Variants in TENM3 observed in about 807,000 individuals in gnomAD.
TENM3 encodes teneurin-3.
In TENM3, 63 loss-of-function variants were observed where a neutral mutation model predicts 255.1. The ratio of observed to expected loss-of-function variants is 0.25; its 90% CI spans 0.20 to 0.30. TENM3 has a LOEUF of 0.30. Ranked by LOEUF, TENM3 falls within the 10% of genes least tolerant of loss-of-function variation. The pLI, the probability that TENM3 is intolerant of heterozygous loss-of-function variation, is 1.00. For synonymous variants in TENM3, 1,306 were observed against 1,322.3 expected (o/e 0.99, Z 0.27); for missense variants, 2,929 against 3,461.1 (o/e 0.85, Z 3.86).
At chr4:182,531,779 C>T (rs1363107767) in intron 3 of TENM3, among the ~76,000 whole-genome samples, 6 of 152,140 alleles carry the variant, frequency 3.9e-5, no homozygotes, top group African/African-American at 1.4e-4. Context: ...TGGGACTGGT[C>T]ATGGAGGCAC....
chr4:181,783,753 GCA>G, the TENM3 span, among the ~76,000 whole-genome samples: 2 of 152,174 alleles, frequency 1.3e-5, no homozygotes, highest in African/African-American at 2.4e-5. Flanking sequence ...GAGTGCAGTG[GCA>G]CAGTCATAGC....
the TENM3 span, among the ~76,000 whole-genome samples, chr4:181,457,265 T>C: frequency 1.3e-5 from 2 of 151,878 alleles, no homozygotes; most frequent in African/African-American, 2.4e-5. Flanking sequence ...AAATGGACTC[T>C]GTAGGCACTG....
the TENM3 span, among the ~76,000 whole-genome samples, chr4:182,054,814 TA>T: frequency 3.3e-5 from 5 of 151,998 alleles, no homozygotes; most frequent in African/African-American, 9.7e-5. Context: ...ATTTTTTAAT[TA>T]AAAAAAAGAA....
chr4:182,191,291 C>G (rs1314806819), intron 1 of TENM3, among the ~76,000 whole-genome samples: 1 of 152,178 alleles, frequency 6.6e-6, no homozygotes, highest in South Asian at 2.1e-4. Flanking sequence ...CTACTGCCAA[C>G]TCATCCTTTG....
At chr4:181,917,685 A>G in the TENM3 span, among the ~76,000 whole-genome samples, 1 of 137,802 alleles carries the variant, frequency 7.3e-6, no homozygotes, top group African/African-American at 2.8e-5. Context: ...TTTTTGAGAC[A>G]GGGTCTTGCT....
chr4:181,854,716 G>A, the TENM3 span, among the ~76,000 whole-genome samples: 1 of 152,146 alleles, frequency 6.6e-6, no homozygotes, highest in Admixed American at 6.5e-5. Flanking sequence ...TAGGGCCCAA[G>A]AAGTCAATCC....
intron 3 of TENM3, among the ~76,000 whole-genome samples, chr4:182,448,405 C>G (rs570609608): frequency 6.6e-6 from 1 of 152,128 alleles, no homozygotes; most frequent in Admixed American, 6.5e-5. Flanking sequence ...ACCGCCGGGC[C>G]CGCCTGGCAG....
intron 3 of TENM3, among the ~76,000 whole-genome samples, chr4:182,504,317 A>G (rs1736606690): frequency 1.3e-5 from 2 of 152,162 alleles, no homozygotes; most frequent in South Asian, 2.1e-4. Flanking sequence ...TTTTTATCAA[A>G]TTAGCCATTC....
At chr4:181,661,340 G>T in the TENM3 span, among the ~76,000 whole-genome samples, 152 of 152,202 alleles carry the variant, frequency 1.0e-3, no homozygotes, top group Non-Finnish European at 1.9e-3. Context: ...GCACTTTCAG[G>T]TTAAAAATAT....
chr4:182,261,573 G>A (rs1237597389), intron 1 of TENM3, among the ~76,000 whole-genome samples: 1 of 152,152 alleles, frequency 6.6e-6, no homozygotes, highest in African/African-American at 2.4e-5. Context: ...AAAGAATAAT[G>A]GCCTCTATCT....
chr4:181,902,200 A>AAC, the TENM3 span, among the ~76,000 whole-genome samples: 6,307 of 147,300 alleles, frequency 0.043, 179 homozygotes, highest in Non-Finnish European at 0.063. Context: ...AAAAAAAAAA[A>AAC]CCCTATTAAA....
intron 3 of TENM3, among the ~76,000 whole-genome samples, chr4:182,488,950 A>G (rs2151568707): frequency 6.6e-6 from 1 of 152,294 alleles, no homozygotes; most frequent in Admixed American, 6.5e-5. Flanking sequence ...GCTGAAAAAA[A>G]TGATTCATTT....
At chr4:181,500,666 G>T in the TENM3 span, among the ~76,000 whole-genome samples, 1 of 152,078 alleles carries the variant, frequency 6.6e-6, no homozygotes, top group Non-Finnish European at 1.5e-5. Flanking sequence ...AATCCACTTT[G>T]CGCTCAAAGG....
chr4:182,513,770 G>A (rs1039266406), intron 3 of TENM3, among the ~76,000 whole-genome samples: 6 of 152,104 alleles, frequency 3.9e-5, no homozygotes, highest in South Asian at 4.2e-4. Context: ...TAAATAACTC[G>A]CCCACAAGTG....
chr4:182,077,622 T>A, the TENM3 span, among the ~76,000 whole-genome samples: 1 of 152,162 alleles, frequency 6.6e-6, no homozygotes, highest in Non-Finnish European at 1.5e-5. Flanking sequence ...TGAATCAAGA[T>A]CCATTTATTC....
intron 3 of TENM3, among the ~76,000 whole-genome samples, chr4:182,390,019 T>C (rs1228504557): frequency 6.6e-6 from 1 of 152,176 alleles, no homozygotes; most frequent in Non-Finnish European, 1.5e-5. Context: ...TTTTAGCAAG[T>C]GTAAGATAGA....
At chr4:182,690,649 A>T (rs1756945629) in intron 12 of TENM3, among the ~76,000 whole-genome samples, 1 of 152,200 alleles carries the variant, frequency 6.6e-6, no homozygotes, top group East Asian at 1.9e-4. Context: ...GAAGTGTGCC[A>T]AAAAGTTATC....
At chr4:181,723,229 G>A in the TENM3 span, among the ~76,000 whole-genome samples, 4 of 150,882 alleles carry the variant, frequency 2.7e-5, no homozygotes, top group South Asian at 2.1e-4. Context: ...GTCAGCCCTC[G>A]GAATTGTCTC....
chr4:181,610,474 C>G, the TENM3 span, among the ~76,000 whole-genome samples: 1 of 152,076 alleles, frequency 6.6e-6, no homozygotes, highest in African/African-American at 2.4e-5. Flanking sequence ...TTACATCGAG[C>G]TTTTTAGCAT....
Sources: gnomAD v4.1 joint callset for allele counts (sites outside exome capture counted in the v4.1 genomes callset) on GRCh38, gnomAD v4.1.1 for gene constraint, MANE v1.5 for transcripts, NCBI Gene and HGNC (gene_info 2026-07-23, HGNC 2026-07-21) for gene names.